The following NBPF14 variants were observed in gnomAD, a reference collection of about 807,000 sequenced individuals.
NBPF14 encodes the protein NBPF family member NBPF14.
In NBPF14, 104 loss-of-function variants were observed where a neutral mutation model predicts 91.2. The ratio of observed to expected loss-of-function variants is 1.14; its 90% confidence interval spans 0.97 to 1.34. The LOEUF is 1.34. NBPF14 is among the 40% of genes most tolerant of loss of function. The pLI is 0.00. For missense variants in NBPF14, 908 were observed against 783.0 expected (o/e 1.16, Z -1.91); for synonymous variants, 294 against 303.8 (o/e 0.97, Z 0.34).
chr1:148,535,006 G>A, intron 68 of NBPF14, 150 bp from the exon 69 acceptor site: 3 of 705,456 alleles, frequency 4.3e-6, no homozygotes, highest in South Asian at 3.0e-5. Flanking sequence ...TTTATGTTGG[G>A]ATAGACCAGG....
intron 36 of NBPF14, among the ~76,000 whole-genome samples, chr1:148,560,183 G>A (rs1657534342): frequency 6.6e-6 from 1 of 151,364 alleles, no homozygotes; most frequent in South Asian, 2.1e-4. Flanking sequence ...GACAGAGACA[G>A]AGACAGAGAC....
intron 25 of NBPF14, among the ~76,000 whole-genome samples, 173 bp downstream of exon 25, chr1:148,569,082 T>G (rs1658853222): frequency 2.4e-5 from 2 of 84,030 alleles, no homozygotes; most frequent in Non-Finnish European, 4.4e-5. Context: ...CACTGACCCA[T>G]CCCTTGTCTG....
chr1:148,592,257 C>T (rs1662623308), intron 4 of NBPF14, among the ~76,000 whole-genome samples: 1 of 144,918 alleles, frequency 6.9e-6, no homozygotes, highest in Non-Finnish European at 1.5e-5. Flanking sequence ...CTTTTCACTC[C>T]AACAAGCGCC....
intron 27 of NBPF14, 129 bp downstream of exon 27, chr1:148,567,584 A>C: frequency 4.5e-6 from 1 of 224,402 alleles, no homozygotes; most frequent in South Asian, 2.3e-5. Flanking sequence ...ATTACAAACT[A>C]TATGCGCCCA....
chr1:148,534,148 C>A (rs1475953855), intron 69 of NBPF14, among the ~76,000 whole-genome samples, 179 bp from the exon 70 acceptor site: 2 of 147,256 alleles, frequency 1.4e-5, no homozygotes, highest in Non-Finnish European at 3.0e-5. Context: ...CGGTTTTTCT[C>A]CCAGAAACTG....
chr1:148,559,838 A>T, exon 37 of NBPF14: 1 of 1,531,476 alleles, frequency 6.5e-7, no homozygotes, highest in Non-Finnish European at 8.7e-7. Flanking sequence ...TCCAATATGT[A>T]AAAGGCACTT....
chr1:148,534,311 T>A (rs1307375864), intron 69 of NBPF14, among the ~76,000 whole-genome samples: 2,737 of 151,852 alleles, frequency 0.018, 41 homozygotes, highest in African/African-American at 0.063. Flanking sequence ...CCCTGTCTCA[T>A]CAAATACTCA....
rs1268350377 is a variant in NBPF14 at position 148,566,552 on chromosome 1, C to T, written c.3543-237G>A. On this transcript the variant is annotated intron_variant, in intron 28 of 70. Coordinates refer to ENST00000619423, the Ensembl canonical transcript of NBPF14. ...ACACACACACACACAAACACACACA[C>T]ACACACAGAGAACGAGCTCAGTGAA... 5.6e-5 allele frequency among the ~76,000 whole-genome samples: 8 copies of T among 143,902 alleles called. 1 individual carries two copies. Among genetic ancestry groups the T allele is most frequent in the Non-Finnish European group, 7.8e-5 (5 of 64,056 alleles). 94.4% of individuals were successfully genotyped at this position (143,902 alleles called of 152,430 possible).
Position 148,576,015 on chromosome 1 carries a change from G to C in NBPF14, c.2079-204C>G, listed in dbSNP as rs1445543308. 1.4e-5 allele frequency among the ~76,000 whole-genome samples: 2 copies of C among 147,688 alleles called. 1 individual carries two copies. Among genetic ancestry groups the C allele is most frequent in the Non-Finnish European group, 3.0e-5 (2 of 66,720 alleles). On this transcript the variant is annotated intron_variant, in intron 16 of 70. Transcript: ENST00000619423. ...AAAGAGAAAGACAGGGAGAGGGAGA[G>C]AGAGAGAGAGAGGAGAAAGTGAGCT...
chr1:148,533,271 A>G, intron 70 of NBPF14, 23 bp from the exon 71 acceptor site: 1 of 607,316 alleles, frequency 1.6e-6, no homozygotes. Context: ...ACAAAACTAA[A>G]GAAGCAGCCA....
intron 14 of NBPF14, among the ~76,000 whole-genome samples, 188 bp from the exon 15 acceptor site, chr1:148,577,543 GACACACACACACAC>G (rs1184575767): frequency 4.2e-5 from 6 of 141,242 alleles, no homozygotes; most frequent in South Asian, 2.3e-4. Flanking sequence ...GAACGAGAAA[GACACACACACACAC>G]ACACACACAC....
At chr1:148,559,843 G>A (rs1490469998) in exon 37 of NBPF14, 9 of 1,528,726 alleles carry the variant, frequency 5.9e-6, no homozygotes, top group East Asian at 2.5e-5. Flanking sequence ...TATGTAAAAG[G>A]CACTTCTATA....
chr1:148,587,198 C>T, intron 8 of NBPF14, 103 bp downstream of exon 8: 1 of 992,984 alleles, frequency 1.0e-6, no homozygotes, highest in South Asian at 1.3e-5. Flanking sequence ...CAATTCCTGC[C>T]CTTCCCCTGG....
In NBPF14 at chr1:148,566,162, G is replaced by T. The variant is rs1360029951; in HGVS notation, c.3696C>A (p.Gly1232=). 21 of 526,820 alleles carry T rather than the reference G, an allele frequency of 4.0e-5. 1 individual carries two copies. The highest frequency in any genetic ancestry group is 5.9e-5 in the Non-Finnish European group (18 of 304,910). 32.6% of individuals were successfully genotyped at this position (526,820 alleles called of 1,614,324 possible). A position where few individuals can be genotyped will look rare whatever the true frequency, so the allele number is the denominator to read the frequency against. Residue 1232 remains glycine, a synonymous_variant, in exon 29 of 71, where the codon GGC becomes GGA. Transcript: ENST00000619423. ...ACTCACCTCCCACGTCAAGAGAAAA[G>T]CCAACATGTTTTTCCTCCAATGCAT... is the stretch of plus-strand genomic sequence containing the variant.
chr1:148,533,904 C>A lies in NBPF14; in HGVS notation c.8680G>T (p.Gly2894Ter), dbSNP rs2149467912. ...TGATCTTCTTCCCCTTCTTTTCTTCCCCTTCTTCTTTCCTTCTTTGATCTT... is the reference window on the plus strand; with the variant it reads ...TGATCTTCTTCCCCTTCTTTTCTTCACCTTCTTCTTTCCTTCTTTGATCTT... The change falls in exon 70 of 71, where the codon GGA becomes TGA. Residue 2894 changes from glycine (G) to a stop codon, truncating the protein, a stop_gained. Coordinates refer to ENST00000619423, the Ensembl canonical transcript of NBPF14. LOFTEE classifies it high-confidence loss of function. 1.3e-6 allele frequency: 1 copy of A among 754,852 alleles called. No individual in the cohort carries two copies. The highest frequency in any genetic ancestry group is 2.4e-5 in the East Asian group (1 of 41,014). The allele number at this position is 754,852 out of a possible 1,614,324, so 46.8% of individuals were successfully genotyped here. A position where few individuals can be genotyped will look rare whatever the true frequency, so the allele number is the denominator to read the frequency against.
intron 16 of NBPF14, 94 bp from the exon 17 acceptor site, chr1:148,575,905 A>G (rs1289495123): frequency 1.3e-4 from 43 of 334,016 alleles, no homozygotes; most frequent in South Asian, 4.4e-4. Flanking sequence ...GGAACTGTTT[A>G]AAAAGAAAAA....
At chr1:148,566,864 A>T in intron 28 of NBPF14, 88 bp downstream of exon 28, 1 of 252,122 alleles carries the variant, frequency 4.0e-6, no homozygotes, top group South Asian at 2.5e-5. Context: ...AAAAGATGTA[A>T]TCGATAATGT....
chr1:148,533,458 C>A (rs1476994241), intron 70 of NBPF14, among the ~76,000 whole-genome samples: 1 of 149,652 alleles, frequency 6.7e-6, no homozygotes, highest in Non-Finnish European at 1.5e-5. Flanking sequence ...GAGAGAGAGA[C>A]AGAGACAGAG....
In NBPF14 at chr1:148,559,821, C is replaced by T. The variant is rs1184906136; in HGVS notation, c.4701G>A (p.Gln1567=). 9.8e-6 allele frequency: 15 copies of T among 1,535,578 alleles called. 2 individuals are homozygous for T. The highest frequency in any genetic ancestry group is 1.2e-5 in the Non-Finnish European group (14 of 1,148,220). ...CCATGTCAACAGCCAAGCCAACACGCTGCTGCTCCAATATGTAAAAGGCAC... is the reference window on the plus strand; with the variant it reads ...CCATGTCAACAGCCAAGCCAACACGTTGCTGCTCCAATATGTAAAAGGCAC... Residue 1567 remains glutamine, a synonymous_variant, in exon 37 of 71, where the codon CAG becomes CAA. Transcript: ENST00000619423.
Sources: gnomAD v4.1 joint callset for allele counts (sites outside exome capture counted in the v4.1 genomes callset) on GRCh38, gnomAD v4.1.1 for gene constraint, MANE v1.5 for transcripts, NCBI Gene and HGNC (gene_info 2026-07-23, HGNC 2026-07-21) for gene names.